Variants in MYBPC3 observed in about 807,000 individuals in gnomAD.
MYBPC3 encodes the protein myosin binding protein C3.
In MYBPC3, 108 loss-of-function variants were observed where a neutral mutation model predicts 159.3. That is an observed-to-expected ratio of 0.68 (90% CI 0.58 to 0.80). The LOEUF (loss-of-function observed/expected upper bound fraction) is 0.80, where lower values mean the gene tolerates loss of function less well. Ranked by LOEUF, MYBPC3 falls within the 30% of genes least tolerant of loss-of-function variation. The pLI, the probability that MYBPC3 is intolerant of heterozygous loss-of-function variation, is 0.00. For synonymous variants in MYBPC3, 730 were observed against 702.0 expected (o/e 1.04, Z -0.63); for missense variants, 1,631 against 1,762.1 (o/e 0.93, Z 1.33).
intron 18 of MYBPC3, 42 bp from the exon 19 acceptor site, chr11:47,341,286 C>T (rs369858697): frequency 6.8e-7 from 1 of 1,470,326 alleles, no homozygotes; most frequent in South Asian, 1.2e-5. Flanking sequence ...CTGGGCCACA[C>T]ACCCCTGGCC....
At chr11:47,337,816 C>G in intron 23 of MYBPC3, 22 bp from the exon 24 acceptor site, 1 of 1,545,140 alleles carries the variant, frequency 6.5e-7, no homozygotes, top group Middle Eastern at 1.7e-4. Context: ...GGGATGGACC[C>G]ACATCAGCCC....
chr11:47,339,387 G>A lies in MYBPC3; in HGVS notation c.2085C>T (p.Ala695=). 6.2e-7 allele frequency: 1 copy of A among 1,614,026 alleles called. No homozygotes were observed. Among genetic ancestry groups the A allele is most frequent in the Non-Finnish European group, 8.5e-7 (1 of 1,179,872 alleles). The change falls in exon 22 of 35, where the codon GCC becomes GCT. Residue 695 remains alanine (A), a synonymous_variant. Transcript: ENST00000545968. ...KAITQGNKAP[A]RPAPDAPEDT... is the part of the protein sequence containing the mutation. ...CCTCTGGGGCATCTGGGGCTGGCCT[G>A]GCTGGGGCCTTATTCCCCTGGGAAC...
Position 47,335,960 on chromosome 11 carries a change from G to C in MYBPC3, c.2654C>G (p.Thr885Arg). 6.4e-7 allele frequency: 1 copy of C among 1,564,656 alleles called. No individual in the cohort carries two copies. Among genetic ancestry groups the C allele is most frequent in the Non-Finnish European group, 8.6e-7 (1 of 1,156,624 alleles). Residue 885 changes from threonine (T) to arginine (R), a missense_variant, in exon 26 of 35, where the codon ACG (threonine) becomes AGG (arginine). Physicochemically the swap from Thr to Arg is moderately conservative, Grantham distance 71. Coordinates refer to ENST00000545968, the MANE Select transcript of MYBPC3 (RefSeq NM_000256.3). ...HLAVEDVSDT[T>R]VSLKWRPPER... The stretch of plus-strand genomic sequence containing the variant: ...TGGGGGCCGCCACTTGAGGGAGACC[G>C]TGGTGTCAGAGACGTCCTCTACTGC...
chr11:47,343,914 G>A (rs1418427059), intron 12 of MYBPC3, among the ~76,000 whole-genome samples: 2 of 152,258 alleles, frequency 1.3e-5, no homozygotes, highest in East Asian at 1.9e-4. Context: ...TCGGCCTCCC[G>A]AGTAGCTGGG....
In MYBPC3 at chr11:47,347,495, C is replaced by A; in HGVS notation, c.852-16G>T. Reference sequence around the variant, plus strand: ...ATGGCTATCACTATGGAGAGGGACCCCCAGTGAGGCTGCAGTGAGGGACTG... The same window carrying A: ...ATGGCTATCACTATGGAGAGGGACCACCAGTGAGGCTGCAGTGAGGGACTG... On this transcript the variant is annotated splice_polypyrimidine_tract_variant and intron_variant, in intron 8 of 34. Transcript: ENST00000545968. 6.3e-7 allele frequency: 1 copy of A among 1,593,666 alleles called. No individual in the cohort carries two copies. Among genetic ancestry groups the A allele is most frequent in the East Asian group, 2.3e-5 (1 of 44,062 alleles).
Position 47,343,142 on chromosome 11 carries a change from G to A in MYBPC3, c.1230C>T (p.Tyr410=), listed in dbSNP as rs1355655688. The part of the protein sequence containing the change: ...GQEIQMSGSK[Y]IFESIGAKRT... ...GCTTGGCACCGATGGACTCAAAGAT[G>A]TACCTGGGTGGGGGCCGCAGGGAAG... The change falls in exon 15 of 35, where the codon TAC becomes TAT. Residue 410 remains tyrosine (Y), a synonymous_variant. Coordinates refer to ENST00000545968, the MANE Select transcript of MYBPC3 (RefSeq NM_000256.3). The A allele has an allele frequency of 3.1e-6, 5 of 1,610,810 alleles. No homozygotes were observed. The highest frequency in any genetic ancestry group is 4.2e-6 in the Non-Finnish European group (5 of 1,178,540).
chr11:47,339,801 C>A lies in MYBPC3; in HGVS notation c.1928-11G>T. The A allele has an allele frequency of 6.2e-7, 1 of 1,611,678 alleles. No individual in the cohort carries two copies. The highest frequency in any genetic ancestry group is 8.5e-7 in the Non-Finnish European group (1 of 1,178,014). On this transcript the variant is annotated splice_polypyrimidine_tract_variant and intron_variant, in intron 20 of 34. Transcript: ENST00000545968. ...GGATCTTGGGAGGTTCTGCAGAAGA[C>A]ACAATGTAGTTCAGAGAAACGGGAG...
chr11:47,343,647 G>T, intron 12 of MYBPC3, 23 bp from the exon 13 acceptor site: 1 of 1,582,626 alleles, frequency 6.3e-7, no homozygotes, highest in East Asian at 2.3e-5. Context: ...CCTCAGCCCC[G>T]GCCACCCCAC....
intron 20 of MYBPC3, 77 bp downstream of exon 20, chr11:47,340,926 G>T (rs373125671): frequency 7.1e-7 from 1 of 1,411,372 alleles, no homozygotes. Context: ...TCTTCCCTCT[G>T]TGAGTGGAGG....
At position 47,338,652 on chromosome 11, in the gene MYBPC3, G is replaced by A. The variant is rs752200396; in HGVS notation, c.2176C>T (p.Arg726Cys). 65 of 1,613,442 alleles carry A rather than the reference G, an allele frequency of 4.0e-5. No individual in the cohort carries two copies. Among genetic ancestry groups the A allele is most frequent in the Admixed American group, 3.2e-4 (19 of 59,948 alleles). Residue 726 changes from arginine to cysteine, a missense_variant, in exon 23 of 35, where the codon CGC becomes TGC. Transcript: ENST00000545968. This position sits in a 1 kb window ranked among gnomAD's most constrained non-coding sequence, Gnocchi z 4.7. The part of the protein sequence containing the change: ...KLLCETEGRV[R>C]VETTKDRSIF... ...CTGCGGTCCTTGGTGGTCTCCACGC[G>A]GACCCGGCCCTCGGTCTCACACAGC...
At position 47,331,746 on chromosome 11, in the gene MYBPC3, G is replaced by T; in HGVS notation, c.*27-30C>A. On this transcript the variant is annotated intron_variant, in intron 34 of 34. Transcript: ENST00000545968. ...AACACAGGTTATCTTACGAGTGAATGGAGGGCCCCTACAGCCTCCCATTTA... is the reference window on the plus strand; with the variant it reads ...AACACAGGTTATCTTACGAGTGAATTGAGGGCCCCTACAGCCTCCCATTTA... The T allele has an allele frequency of 8.9e-6, 11 of 1,231,094 alleles. No individual in the cohort carries two copies. In the South Asian group the frequency reaches 1.6e-4, roughly 18 times the overall value. The allele number at this position is 1,231,094 out of a possible 1,614,324, so 76.3% of individuals were successfully genotyped here.
rs777470695 is a variant in MYBPC3, at chr11:47,346,291, T to C, written c.1006A>G (p.Ile336Val). The change falls in exon 12 of 35, where the codon ATC (isoleucine) becomes GTC (valine). Residue 336 changes from isoleucine (I) to valine (V), a missense_variant. Coordinates refer to ENST00000545968, the MANE Select transcript of MYBPC3 (RefSeq NM_000256.3). The surrounding 1 kb of genome is among the most constrained non-coding windows in gnomAD (Gnocchi z 5.3). ...TCAGTGACGCCGTACTGGAAGGCGA[T>C]GCGCTCGTACTCAGATGGGGGTGCC... is the stretch of plus-strand genomic sequence containing the variant. Reference protein sequence around the residue: ...RQAPPSEYERIAFQYGVTDLR... With the variant: ...RQAPPSEYERVAFQYGVTDLR... The C allele has an allele frequency of 1.2e-6, 2 of 1,613,692 alleles. No individual in the cohort carries two copies. The highest frequency in any genetic ancestry group is 1.7e-6 in the Non-Finnish European group (2 of 1,179,756).
At chr11:47,350,455 C>T in intron 3 of MYBPC3, 47 bp downstream of exon 3, 1 of 1,540,900 alleles carries the variant, frequency 6.5e-7, no homozygotes, top group South Asian at 1.2e-5. Context: ...CTGCCCTGGA[C>T]ACGCCCTACC....
intron 2 of MYBPC3, 126 bp from the exon 3 acceptor site, chr11:47,350,741 G>A (rs989383618): frequency 1.6e-4 from 218 of 1,341,312 alleles, no homozygotes; most frequent in Non-Finnish European, 2.0e-4. Context: ...CTGTCCTCCC[G>A]CTGCCTGGGC....
At position 47,338,955 on chromosome 11, in the gene MYBPC3, C is replaced by T. The variant is rs1011657205; in HGVS notation, c.2149-276G>A. Among the ~76,000 whole-genome samples the T allele has an allele frequency of 1.3e-5, 2 of 152,220 alleles. No homozygotes were observed. Among genetic ancestry groups the T allele is most frequent in the South Asian group, 2.1e-4 (1 of 4,832 alleles). On this transcript the variant is annotated intron_variant, in intron 22 of 34. Transcript: ENST00000545968. The surrounding 1 kb of genome is among the most constrained non-coding windows in gnomAD (Gnocchi z 4.7). ...AGACCCCAGCCTTCAGAAGAACCAA[C>T]AGTGCCAGGCAGGAGCAAGACCCCG...
rs377413692 is a variant in MYBPC3 at position 47,349,328 on chromosome 11, C to T, written c.654+446G>A. On this transcript the variant is annotated intron_variant, in intron 5 of 34. Transcript: ENST00000545968. Reference sequence around the variant, plus strand: ...ACTTAACCTCTCAAGCTTTGGTTTCCGTGTCTGTATAATGAGGAATTGTTC... The same window carrying T: ...ACTTAACCTCTCAAGCTTTGGTTTCTGTGTCTGTATAATGAGGAATTGTTC... Among the ~76,000 whole-genome samples, 16 of 152,072 alleles carry T rather than the reference C, an allele frequency of 1.1e-4. No individual in the cohort carries two copies. The East Asian group carries it at 1.7e-3, about 17-fold the overall frequency.
intron 26 of MYBPC3, chr11:47,335,549 A>T (rs1260669243): frequency 3.5e-6 from 1 of 286,204 alleles, no homozygotes; most frequent in Admixed American, 5.0e-5. Context: ...CTGGTCTCGA[A>T]CTCCCGACCT....
At position 47,341,978 on chromosome 11, in the gene MYBPC3, C is replaced by T. The variant is rs754240709; in HGVS notation, c.1790+13G>A. ...GTCTCCACCTGTCCCATCCACCTGC[C>T]CTGCACACTCACCGCCCGATGTGGG... is the stretch of plus-strand genomic sequence containing the variant. On this transcript the variant is annotated intron_variant, in intron 18 of 34. Transcript: ENST00000545968. 56 of 1,554,168 alleles carry T rather than the reference C, an allele frequency of 3.6e-5. No homozygotes were observed. The highest frequency in any genetic ancestry group is 3.1e-5 in the Non-Finnish European group (36 of 1,148,098).
rs11570102 is a variant in MYBPC3 at position 47,336,316 on chromosome 11, C to T, written c.2603-305G>A. 7.4e-3 allele frequency: 1,481 copies of T among 199,242 alleles called. 25 individuals are homozygous for T. The highest frequency in any genetic ancestry group is 0.032 in the African/African-American group (1,357 of 42,804). 12.3% of individuals were successfully genotyped at this position (199,242 alleles called of 1,614,324 possible). On this transcript the variant is annotated intron_variant, in intron 25 of 34. Transcript: ENST00000545968. ...CAGCCTGGCCAACATGGTGAAACTC[C>T]GTCTCTACAAAAATACAAAAATTAG...
Sources: allele counts gnomAD v4.1 joint callset (sites outside exome capture counted in the v4.1 genomes callset), GRCh38; gene constraint gnomAD v4.1.1; non-coding constraint Gnocchi (gnomAD v3.1); transcripts MANE v1.5; gene names NCBI Gene and HGNC (gene_info 2026-07-23, HGNC 2026-07-21).